Variants in SEMA6D observed in about 807,000 individuals in gnomAD.
SEMA6D encodes semaphorin-6D.
In SEMA6D, 35 loss-of-function variants were observed where a neutral mutation model predicts 106.6. The observed-to-expected ratio is 0.33, with a 90% CI of 0.25 to 0.44. The LOEUF (loss-of-function observed/expected upper bound fraction) is 0.44. SEMA6D is among the 20% of genes least tolerant of loss of function. The pLI is 1.00. For missense variants in SEMA6D, 1,185 were observed against 1,345.9 expected (o/e 0.88, Z 1.87); for synonymous variants, 499 against 487.7 (o/e 1.02, Z -0.31).
intron 1 of SEMA6D, among the ~76,000 whole-genome samples, chr15:47,263,374 A>G (rs1298852828): frequency 2.0e-5 from 3 of 152,148 alleles, no homozygotes; most frequent in Non-Finnish European, 4.4e-5. Flanking sequence ...AATCCCATAA[A>G]TAAGTGGGCA....
rs2031812848 is a variant in SEMA6D at position 47,227,552 on chromosome 15, CTG to C, written c.-239+43136_-239+43137del. Among the ~76,000 whole-genome samples the C allele has an allele frequency of 4.2e-4, 41 of 97,990 alleles. No homozygotes were observed. The Admixed American group carries it at 4.8e-3, about 11-fold the overall frequency. 64.3% of individuals were successfully genotyped at this position (97,990 alleles called of 152,430 possible). On this transcript the variant is annotated intron_variant, in intron 1 of 19. Transcript: ENST00000558014. ...TCCTCTTTCTCCTCTTTCTCTCTCT[CTG>C]TCTCTCTCTCTCTCTCACACACACA...
chr15:47,401,075 G>A (rs2040383071), intron 1 of SEMA6D, among the ~76,000 whole-genome samples: 1 of 152,122 alleles, frequency 6.6e-6, no homozygotes, highest in Non-Finnish European at 1.5e-5. Flanking sequence ...TACCTGATAG[G>A]GTTGCTGAGC....
At chr15:47,742,439 G>A (rs749272979) in intron 1 of SEMA6D, among the ~76,000 whole-genome samples, 11 of 152,094 alleles carry the variant, frequency 7.2e-5, no homozygotes, top group Admixed American at 4.6e-4. Context: ...ACTGGCCTCC[G>A]TTCCCTCTTC....
intron 1 of SEMA6D, among the ~76,000 whole-genome samples, chr15:47,348,718 C>CCA (rs1228740454): frequency 2.9e-4 from 14 of 48,064 alleles, no homozygotes; most frequent in East Asian, 4.4e-4. Flanking sequence ...CACACACACA[C>CCA]CACACACACA....
At chr15:47,619,324 AGGGTG>A (rs1337178229) in intron 4 of SEMA6D, among the ~76,000 whole-genome samples, 1 of 152,202 alleles carries the variant, frequency 6.6e-6, no homozygotes, top group Non-Finnish European at 1.5e-5. Context: ...GCAACGCAAG[AGGGTG>A]GGGTTCTCCA....
At chr15:47,297,486 A>G (rs1227118763) in intron 1 of SEMA6D, among the ~76,000 whole-genome samples, 1 of 152,138 alleles carries the variant, frequency 6.6e-6, no homozygotes, top group Non-Finnish European at 1.5e-5. Flanking sequence ...TCATGAGCAT[A>G]ATTATCAAAC....
chr15:47,347,985 G>T (rs183096135), intron 1 of SEMA6D, among the ~76,000 whole-genome samples: 7 of 152,166 alleles, frequency 4.6e-5, no homozygotes, highest in Non-Finnish European at 7.4e-5. Flanking sequence ...CTGTTTCCTG[G>T]AAGTCTCCAC....
At chr15:47,390,875 G>A (rs281292) in intron 1 of SEMA6D, among the ~76,000 whole-genome samples, 147,602 of 152,218 alleles carry the variant, frequency 0.97, 71,597 homozygotes, top group East Asian at 1. Flanking sequence ...TTGCAATTTT[G>A]GCTCCTATTT....
intron 1 of SEMA6D, among the ~76,000 whole-genome samples, chr15:47,319,670 G>A (rs142455776): frequency 8.3e-4 from 126 of 152,136 alleles, no homozygotes; most frequent in Non-Finnish European, 1.4e-3. Flanking sequence ...GGGTTAATTC[G>A]TTTCTCCTGT....
chr15:47,271,327 A>G (rs1474296554), intron 1 of SEMA6D, among the ~76,000 whole-genome samples: 2 of 152,188 alleles, frequency 1.3e-5, no homozygotes, highest in East Asian at 1.9e-4. Context: ...CACAAGTCTT[A>G]TGAGAGCCGT....
At chr15:47,258,176 C>A (rs369676066) in intron 1 of SEMA6D, among the ~76,000 whole-genome samples, 1 of 152,250 alleles carries the variant, frequency 6.6e-6, no homozygotes, top group South Asian at 2.1e-4. Flanking sequence ...TCTTTGTTAG[C>A]AGCATATAGT....
At chr15:47,630,003 A>T (rs2077266277) in intron 4 of SEMA6D, among the ~76,000 whole-genome samples, 1 of 151,908 alleles carries the variant, frequency 6.6e-6, no homozygotes, top group African/African-American at 2.4e-5. Flanking sequence ...TAGTGCTGTG[A>T]TAAGCATGTG....
intron 1 of SEMA6D, among the ~76,000 whole-genome samples, chr15:47,327,367 C>G (rs1414178301): frequency 6.6e-6 from 1 of 152,174 alleles, no homozygotes; most frequent in East Asian, 1.9e-4. Flanking sequence ...TTGCCATACC[C>G]TCATATTTTC....
intron 4 of SEMA6D, among the ~76,000 whole-genome samples, chr15:47,705,568 T>C (rs147063917): frequency 6.6e-6 from 1 of 152,278 alleles, no homozygotes; most frequent in Non-Finnish European, 1.5e-5. Context: ...GGCAGTGGGA[T>C]CTAGAATTCA....
At chr15:47,518,327 T>A (rs909595431) in intron 3 of SEMA6D, among the ~76,000 whole-genome samples, 1 of 152,228 alleles carries the variant, frequency 6.6e-6, no homozygotes, top group Non-Finnish European at 1.5e-5. Flanking sequence ...AGCCTTTGTC[T>A]TATCTATTTG....
chr15:47,262,500 C>G (rs2034124461), intron 1 of SEMA6D, among the ~76,000 whole-genome samples: 1 of 151,906 alleles, frequency 6.6e-6, no homozygotes, highest in Non-Finnish European at 1.5e-5. Flanking sequence ...CTTATAAAAC[C>G]ATCAGATCAC....
chr15:47,525,994 G>A (rs2044743934), intron 3 of SEMA6D, among the ~76,000 whole-genome samples: 1 of 152,208 alleles, frequency 6.6e-6, no homozygotes, highest in East Asian at 1.9e-4. Context: ...TTGGAGAACA[G>A]GGGGAGCCTC....
rs1446308356 is a variant in SEMA6D at position 47,347,011 on chromosome 15, C to T, written c.-238-65382C>T. Among the ~76,000 whole-genome samples, 4 of 152,166 alleles carry T rather than the reference C, an allele frequency of 2.6e-5. No homozygotes were observed. In the East Asian group the frequency reaches 5.8e-4, roughly 22 times the overall value. ...GCAACTTCCCCCTCCCGGGTTCAAG[C>T]GATTCTTGCACCTCAACCTCCCAAG... On this transcript the variant is annotated intron_variant, in intron 1 of 19. Coordinates refer to the SEMA6D transcript ENST00000558014.
rs181522860 is a variant in SEMA6D, at chr15:47,568,463, T to C, written c.-86-32402T>C. ...AATTTACAAGCAATTCTATATATCA[T>C]TTTTAAATAAAACAAGTACCTGGGC... On this transcript the variant is annotated intron_variant, in intron 3 of 19. Coordinates refer to the SEMA6D transcript ENST00000558014. 1.5e-3 allele frequency among the ~76,000 whole-genome samples: 229 copies of C among 152,310 alleles called. 1 individual carries two copies. The highest frequency in any genetic ancestry group is 6.8e-3 in the Middle Eastern group (2 of 294).
Sources: allele counts gnomAD v4.1 joint callset (sites outside exome capture counted in the v4.1 genomes callset), GRCh38; gene constraint gnomAD v4.1.1; transcripts MANE v1.5; gene names NCBI Gene and HGNC (gene_info 2026-07-23, HGNC 2026-07-21).